Variants in GFOD1 observed in about 807,000 individuals in gnomAD.
GFOD1 encodes the protein glucose-fructose oxidoreductase domain-containing protein 1.
In GFOD1, 9 loss-of-function variants were observed where a neutral mutation model predicts 25.4. The observed-to-expected ratio is 0.35, with a 90% CI of 0.21 to 0.62. The LOEUF is 0.62. Among genes scored for constraint, GFOD1 ranks in the 20% least tolerant of loss-of-function variants. The probability of loss-of-function intolerance (pLI) is 0.72; values close to 1 mark genes in which losing one functional copy is unlikely to be tolerated. For missense variants in GFOD1, 403 were observed against 556.9 expected, an observed-to-expected ratio of 0.72 and a Z score of 2.78; for synonymous variants, 253 against 245.6, an observed-to-expected ratio of 1.03 and a Z score of -0.28.
At chr6:13,368,318 A>G (rs1361170599) in intron 1 of GFOD1, among the ~76,000 whole-genome samples, 1 of 152,246 alleles carries the variant, frequency 6.6e-6, no homozygotes, top group African/African-American at 2.4e-5. Context: ...GATGGCCATG[A>G]AATAGCAGTG....
At chr6:13,478,263 C>T (rs1284370740) in intron 1 of GFOD1, among the ~76,000 whole-genome samples, 1 of 152,046 alleles carries the variant, frequency 6.6e-6, no homozygotes, top group Non-Finnish European at 1.5e-5. Flanking sequence ...TCTCAGCCTC[C>T]CGAGTAGCTG....
rs1554198475 is a variant in GFOD1, at chr6:13,363,238, T to TGTGTGTGCGC, written c.*1504_*1505insGCGCACACAC. On this transcript the variant is annotated 3_prime_UTR_variant, in exon 2 of 2. Transcript: ENST00000379287. ...GTGTGTGTGTGTGTGTGTGTGTGTG[T>TGTGTGTGCGC]GCACGTGCATGTGTGTGTGTGTCTG... 3 of 151,676 alleles carry TGTGTGTGCGC rather than the reference T, an allele frequency of 2.0e-5. No homozygotes were observed. The highest frequency in any genetic ancestry group is 1.9e-4 in the East Asian group (1 of 5,152). The allele number at this position is 151,676 out of a possible 1,614,324, so 9.4% of individuals were successfully genotyped here.
At chr6:13,384,137 G>A (rs1004784146) in intron 1 of GFOD1, among the ~76,000 whole-genome samples, 3 of 152,164 alleles carry the variant, frequency 2.0e-5, no homozygotes, top group African/African-American at 4.8e-5. Flanking sequence ...TGAGGCAGGA[G>A]AATCACTTGA....
intron 1 of GFOD1, among the ~76,000 whole-genome samples, chr6:13,374,672 T>C (rs184724549): frequency 2.3e-4 from 35 of 150,284 alleles, no homozygotes; most frequent in African/African-American, 8.3e-4. Flanking sequence ...GATGTTTCAA[T>C]ACATATAATG....
At chr6:13,469,163 G>C (rs1758432181) in intron 1 of GFOD1, 3 of 829,622 alleles carry the variant, frequency 3.6e-6, no homozygotes, top group Non-Finnish European at 4.4e-6. Flanking sequence ...CTCCAGAACA[G>C]TAAAGAGGCC....
chr6:13,387,228 A>G (rs1405574411), intron 1 of GFOD1, among the ~76,000 whole-genome samples: 1 of 152,218 alleles, frequency 6.6e-6, no homozygotes, highest in Admixed American at 6.5e-5. Context: ...AGCAACATAG[A>G]GCAATGCCCA....
At chr6:13,399,015 G>A (rs147143297) in intron 1 of GFOD1, among the ~76,000 whole-genome samples, 3 of 152,310 alleles carry the variant, frequency 2.0e-5, no homozygotes, top group East Asian at 3.9e-4. Context: ...AACAGATTTT[G>A]TTGTTTTGTT....
At chr6:13,421,394 T>A (rs1479513904) in intron 1 of GFOD1, among the ~76,000 whole-genome samples, 1 of 152,026 alleles carries the variant, frequency 6.6e-6, no homozygotes, top group African/African-American at 2.4e-5. Context: ...CTCTGGAGGC[T>A]GAGGTTGGAA....
At chr6:13,421,209 C>T (rs971609196) in intron 1 of GFOD1, among the ~76,000 whole-genome samples, 8 of 152,094 alleles carry the variant, frequency 5.3e-5, no homozygotes, top group African/African-American at 1.9e-4. Context: ...ATAAACTGGC[C>T]AGGCATGTTC....
intron 1 of GFOD1, among the ~76,000 whole-genome samples, chr6:13,428,389 G>A (rs2127569692): frequency 6.6e-6 from 1 of 152,296 alleles, no homozygotes; most frequent in African/African-American, 2.4e-5. Context: ...GAGGAAGTGA[G>A]AAGGATGCGA....
In GFOD1 at chr6:13,358,258, T is replaced by G. The variant is rs1784897853; in HGVS notation, c.*6485A>C. The stretch of plus-strand genomic sequence containing the variant: ...ACACACATCTTTTTCCCTTGATAAA[T>G]AACTCTTTAAAATATCTAGTATACA... On this transcript the variant is annotated 3_prime_UTR_variant, in exon 2 of 2. Transcript: ENST00000379287. The G allele has an allele frequency of 6.6e-6, 1 of 152,174 alleles. No individual in the cohort carries two copies. The highest frequency in any genetic ancestry group is 2.4e-5 in the African/African-American group (1 of 41,434). 9.4% of individuals were successfully genotyped at this position (152,174 alleles called of 1,614,324 possible). A position where few individuals can be genotyped will look rare whatever the true frequency, so the allele number is the denominator to read the frequency against.
chr6:13,366,810 T>G (rs2127554910), intron 1 of GFOD1, among the ~76,000 whole-genome samples: 1 of 152,264 alleles, frequency 6.6e-6, no homozygotes, highest in South Asian at 2.1e-4. Flanking sequence ...TTACTTAATT[T>G]TAATGTTAAA....
chr6:13,417,815 G>A (rs140743649), intron 1 of GFOD1, among the ~76,000 whole-genome samples: 393 of 152,242 alleles, frequency 2.6e-3, no homozygotes, highest in Non-Finnish European at 4.7e-3. Flanking sequence ...TGTTTTTGTC[G>A]AAACAACAAT....
chr6:13,479,887 C>A (rs541931414), intron 1 of GFOD1, among the ~76,000 whole-genome samples: 1 of 152,324 alleles, frequency 6.6e-6, no homozygotes, highest in Admixed American at 6.5e-5. Flanking sequence ...TCACCTTTTT[C>A]ACATAGATCC....
intron 1 of GFOD1, among the ~76,000 whole-genome samples, chr6:13,390,410 G>A (rs1204611253): frequency 6.6e-6 from 1 of 151,936 alleles, no homozygotes; most frequent in East Asian, 1.9e-4. Flanking sequence ...GGGCAACATA[G>A]TGAGACCCTG....
Position 13,365,655 on chromosome 6 carries a change from G to T in GFOD1, c.261C>A (p.Gly87=). 1 of 1,593,014 alleles carries T rather than the reference G, an allele frequency of 6.3e-7. No homozygotes were observed. The change falls in exon 2 of 2, where the codon GGC becomes GGA. Residue 87 remains glycine, a synonymous_variant. Transcript: ENST00000379287. The surrounding 1 kb of genome is among the most constrained non-coding windows in gnomAD (Gnocchi z 9.2). The part of the protein sequence containing the change: ...RQIAVKTLGI[G]KNVICDRTAT... ...CCGTGCGGTCGCAGATGACGTTCTT[G>T]CCGATGCCTGCGGGTGGGAGGAAGA...
At chr6:13,369,527 T>C (rs143589012) in intron 1 of GFOD1, among the ~76,000 whole-genome samples, 82 of 152,146 alleles carry the variant, frequency 5.4e-4, no homozygotes, top group Admixed American at 5.9e-4. Flanking sequence ...CCAGGCGTGG[T>C]GATGCATGCC....
chr6:13,409,749 G>A (rs1278839957), intron 1 of GFOD1, among the ~76,000 whole-genome samples: 4 of 151,876 alleles, frequency 2.6e-5, no homozygotes, highest in African/African-American at 7.3e-5. Flanking sequence ...GTGAAACCCC[G>A]TCTCTACTAA....
In GFOD1 at chr6:13,358,066, C is replaced by A. The variant is rs915220521; in HGVS notation, c.*6677G>T. On this transcript the variant is annotated 3_prime_UTR_variant, in exon 2 of 2. Transcript: ENST00000379287. Reference sequence around the variant, plus strand: ...GCAGGGAGGGCCGCCTCCCAGCTTCCACAGTAGTTTGGCCTTAAAAACACT... The same window carrying A: ...GCAGGGAGGGCCGCCTCCCAGCTTCAACAGTAGTTTGGCCTTAAAAACACT... 1 of 152,192 alleles carries A rather than the reference C, an allele frequency of 6.6e-6. No homozygotes were observed. Among genetic ancestry groups the A allele is most frequent in the African/African-American group, 2.4e-5 (1 of 41,458 alleles). 9.4% of individuals were successfully genotyped at this position (152,192 alleles called of 1,614,324 possible).
Sources: allele counts gnomAD v4.1 joint callset (sites outside exome capture counted in the v4.1 genomes callset), GRCh38; gene constraint gnomAD v4.1.1; non-coding constraint Gnocchi (gnomAD v3.1); transcripts MANE v1.5; gene names NCBI Gene and HGNC (gene_info 2026-07-23, HGNC 2026-07-21).